Variants in AGMO observed in about 807,000 individuals in gnomAD.
AGMO encodes glyceryl-ether monooxygenase.
In AGMO, 75 loss-of-function variants were observed where a neutral mutation model predicts 60.2. The ratio of observed to expected loss-of-function variants is 1.25; its 90% CI spans 1.03 to 1.51. The LOEUF is 1.51. Ranked by LOEUF, AGMO falls within the 40% of genes most tolerant of loss-of-function variation. AGMO has a pLI of 0.00. For synonymous variants in AGMO, 261 were observed against 177.1 expected, an observed-to-expected ratio of 1.47 and a Z score of -3.76; for missense variants, 763 against 525.5, an observed-to-expected ratio of 1.45 and a Z score of -4.42.
At chr7:15,438,151 C>G (rs1358247759) in intron 3 of AGMO, among the ~76,000 whole-genome samples, 1 of 151,960 alleles carries the variant, frequency 6.6e-6, no homozygotes, top group Non-Finnish European at 1.5e-5. Context: ...TCTTTTCAAC[C>G]TAAACTTTTG....
chr7:15,263,919 G>A (rs1005997341), intron 12 of AGMO, among the ~76,000 whole-genome samples: 4 of 152,006 alleles, frequency 2.6e-5, no homozygotes, highest in African/African-American at 7.2e-5. Flanking sequence ...AGGGGAATAG[G>A]TGGGGCGTGG....
At chr7:15,416,034 T>TC (rs1050723796) in intron 5 of AGMO, among the ~76,000 whole-genome samples, 1 of 149,108 alleles carries the variant, frequency 6.7e-6, no homozygotes, top group Non-Finnish European at 1.5e-5. Context: ...TTTCTTTTTT[T>TC]TTTTTTTTTT....
At chr7:15,361,254 ACT>A (rs981547444) in intron 12 of AGMO, among the ~76,000 whole-genome samples, 1 of 151,000 alleles carries the variant, frequency 6.6e-6, no homozygotes, top group Non-Finnish European at 1.5e-5. Context: ...CTATCACAAA[ACT>A]CTGAACATGT....
chr7:15,174,668 C>A, the AGMO span, among the ~76,000 whole-genome samples: 1 of 151,944 alleles, frequency 6.6e-6, no homozygotes, highest in Non-Finnish European at 1.5e-5. Flanking sequence ...CAAGCACTCC[C>A]AGATCTAGTT....
chr7:15,547,728 G>C lies in AGMO; in HGVS notation c.258-2805C>G, dbSNP rs551457501. Among the ~76,000 whole-genome samples the C allele has an allele frequency of 1.4e-3, 214 of 152,026 alleles. 2 individuals carry two copies. The East Asian group carries it at 0.036, about 25-fold the overall frequency. Reference sequence around the variant, plus strand: ...TGAGATCAAACTGCAAGGCGGCAGCGAGGCTGGGGGAGGGGCGCCCGCCAT... The same window carrying C: ...TGAGATCAAACTGCAAGGCGGCAGCCAGGCTGGGGGAGGGGCGCCCGCCAT... On this transcript the variant is annotated intron_variant, in intron 2 of 12. Coordinates refer to ENST00000342526, the MANE Select transcript of AGMO (RefSeq NM_001004320.2).
At chr7:15,517,308 G>T (rs1783842084) in intron 3 of AGMO, among the ~76,000 whole-genome samples, 1 of 151,262 alleles carries the variant, frequency 6.6e-6, no homozygotes. Context: ...ATTTAATCTA[G>T]TGTGGGGTGT....
At chr7:15,336,095 C>T (rs1279523513) in intron 12 of AGMO, among the ~76,000 whole-genome samples, 5 of 152,098 alleles carry the variant, frequency 3.3e-5, no homozygotes, top group Non-Finnish European at 5.9e-5. Context: ...TCAACTACTA[C>T]TATTCCTTCT....
chr7:15,522,082 G>C (rs1784010104), intron 3 of AGMO, among the ~76,000 whole-genome samples: 1 of 152,140 alleles, frequency 6.6e-6, no homozygotes, highest in Non-Finnish European at 1.5e-5. Flanking sequence ...CAAATCATGA[G>C]TGAACTCTCA....
At chr7:15,274,025 G>T (rs1563064936) in intron 12 of AGMO, among the ~76,000 whole-genome samples, 1 of 152,170 alleles carries the variant, frequency 6.6e-6, no homozygotes, top group Admixed American at 6.5e-5. Flanking sequence ...ATTTTGGGCT[G>T]AGACAATGGG....
chr7:15,392,799 A>AAAACAAAC (rs67814097), intron 6 of AGMO, among the ~76,000 whole-genome samples: 4 of 33,878 alleles, frequency 1.2e-4, no homozygotes, highest in South Asian at 1.7e-3. Context: ...ACTCTGTCTC[A>AAAACAAAC]AAACAAACAA....
At chr7:15,371,194 A>G (rs1783197458) in intron 10 of AGMO, among the ~76,000 whole-genome samples, 1 of 151,648 alleles carries the variant, frequency 6.6e-6, no homozygotes, top group Admixed American at 6.6e-5. Context: ...TTAATCAATA[A>G]TTTAATATTA....
At chr7:15,383,652 T>C (rs942134509) in intron 10 of AGMO, among the ~76,000 whole-genome samples, 2 of 152,148 alleles carry the variant, frequency 1.3e-5, no homozygotes, top group East Asian at 1.9e-4. Context: ...TTTTTCAGCA[T>C]ATATTATTTA....
rs373119397 is a variant in AGMO, at chr7:15,215,521, C to T, written c.1264-14162G>A. ...GTACATTTAATTTTCAAAACACACA[C>T]AGTGGAACAGATGTGTTTTATAGAG... On this transcript the variant is annotated intron_variant, in intron 12 of 12. Transcript: ENST00000342526. 4.6e-5 allele frequency among the ~76,000 whole-genome samples: 7 copies of T among 152,046 alleles called. No individual in the cohort carries two copies. The East Asian group carries it at 7.8e-4, about 17-fold the overall frequency.
rs141579177 is a variant in AGMO at position 15,453,301 on chromosome 7, C to T, written c.410-22193G>A. Among the ~76,000 whole-genome samples the T allele has an allele frequency of 6.6e-5, 10 of 152,244 alleles. No individual in the cohort carries two copies. The East Asian group carries it at 1.3e-3, about 21-fold the overall frequency. ...AAAGGGGAAAAAAGAAGCTTTTATA[C>T]GTGGTCTTATAATATGTCTTTTCAC... On this transcript the variant is annotated intron_variant, in intron 3 of 12. Coordinates refer to ENST00000342526, the MANE Select transcript of AGMO (RefSeq NM_001004320.2).
chr7:15,142,313 CA>C, the AGMO span, among the ~76,000 whole-genome samples: 1 of 152,204 alleles, frequency 6.6e-6, no homozygotes, highest in African/African-American at 2.4e-5. Flanking sequence ...TTTCAAGGTC[CA>C]AGTGAAATAT....
intron 12 of AGMO, among the ~76,000 whole-genome samples, chr7:15,356,707 G>A (rs10273282): frequency 0.55 from 83,857 of 151,522 alleles, 24,393 homozygotes; most frequent in African/African-American, 0.75. Flanking sequence ...TTATAAAAAT[G>A]TATCTAATTT....
At chr7:15,192,848 A>G in the AGMO span, among the ~76,000 whole-genome samples, 4 of 152,122 alleles carry the variant, frequency 2.6e-5, no homozygotes, top group Admixed American at 6.5e-5. Context: ...TAAGTCCCAT[A>G]AGGGGGTCAA....
intron 12 of AGMO, among the ~76,000 whole-genome samples, chr7:15,215,636 T>C (rs1306072459): frequency 6.6e-6 from 1 of 152,126 alleles, no homozygotes; most frequent in Non-Finnish European, 1.5e-5. Flanking sequence ...TAATCATAAC[T>C]TGTCTTTGTG....
At chr7:15,157,265 G>A in the AGMO span, among the ~76,000 whole-genome samples, 11 of 152,148 alleles carry the variant, frequency 7.2e-5, no homozygotes, top group Admixed American at 4.6e-4. Context: ...ATGAGGCTTA[G>A]GAGGGTAAGA....
Sources: gnomAD v4.1 joint callset for allele counts (sites outside exome capture counted in the v4.1 genomes callset) on GRCh38, gnomAD v4.1.1 for gene constraint, MANE v1.5 for transcripts, NCBI Gene and HGNC (gene_info 2026-07-23, HGNC 2026-07-21) for gene names.